The following TCERG1L variants were observed in gnomAD, a reference collection of about 807,000 sequenced individuals.
The protein encoded by TCERG1L is transcription elongation regulator 1 like.
A neutral mutation model predicts 56.3 loss-of-function variants in TCERG1L; 37 were observed. That is an observed-to-expected ratio of 0.66 (90% confidence interval 0.51 to 0.87). The LOEUF is 0.87. Among genes scored for constraint, TCERG1L ranks in the 40% least tolerant of loss-of-function variants. TCERG1L has a pLI of 0.00. For missense variants in TCERG1L, 799 were observed against 774.2 expected (o/e 1.03, Z -0.38); for synonymous variants, 324 against 326.3 (o/e 0.99, Z 0.08).
At chr10:131,138,102 C>T (rs1314881661) in intron 7 of TCERG1L, among the ~76,000 whole-genome samples, 2 of 152,158 alleles carry the variant, frequency 1.3e-5, no homozygotes, top group Admixed American at 1.3e-4. Flanking sequence ...AACCCCGTCT[C>T]TACCAAAAAT....
intron 8 of TCERG1L, among the ~76,000 whole-genome samples, chr10:131,121,855 A>G (rs2133394086): frequency 6.6e-6 from 1 of 152,314 alleles, no homozygotes; most frequent in African/African-American, 2.4e-5. Flanking sequence ...ACAGTGAGAG[A>G]GATGCCCCCT....
intron 4 of TCERG1L, among the ~76,000 whole-genome samples, chr10:131,170,025 T>C (rs1231401316): frequency 6.6e-6 from 1 of 152,170 alleles, no homozygotes; most frequent in African/African-American, 2.4e-5. Context: ...GAGATATTGT[T>C]GATGATCATT....
rs571938440 is a variant in TCERG1L, at chr10:131,241,582, G to A, written c.856+18677C>T. Among the ~76,000 whole-genome samples the A allele has an allele frequency of 5.9e-4, 89 of 151,844 alleles. 3 individuals carry two copies. Among genetic ancestry groups the A allele is most frequent in the Admixed American group, 5.1e-3 (78 of 15,228 alleles). ...AAGAGAGGACATGCATGAACACAGT[G>A]GATAGCGCAATATAAAAACATAAGA... On this transcript the variant is annotated intron_variant, in intron 4 of 11. Transcript: ENST00000368642.
intron 7 of TCERG1L, among the ~76,000 whole-genome samples, chr10:131,136,790 C>T (rs1053770592): frequency 1.4e-4 from 21 of 151,488 alleles, no homozygotes; most frequent in African/African-American, 4.6e-4. Flanking sequence ...GCCACCATGC[C>T]GGGCCACCTC....
At chr10:131,248,887 C>T (rs927883760) in intron 4 of TCERG1L, among the ~76,000 whole-genome samples, 2 of 152,248 alleles carry the variant, frequency 1.3e-5, no homozygotes, top group East Asian at 3.9e-4. Context: ...CGGCTTCTGA[C>T]TGGGGGTGCC....
At chr10:131,148,037 G>T (rs909712262) in intron 6 of TCERG1L, among the ~76,000 whole-genome samples, 2 of 152,180 alleles carry the variant, frequency 1.3e-5, no homozygotes, top group Non-Finnish European at 2.9e-5. Context: ...AAGGTGTGCC[G>T]GCTCCACTAC....
intron 7 of TCERG1L, among the ~76,000 whole-genome samples, chr10:131,144,699 T>C (rs1182390157): frequency 1.3e-5 from 2 of 152,236 alleles, no homozygotes; most frequent in African/African-American, 4.8e-5. Flanking sequence ...AGTAGAGTAC[T>C]TAGGTCTACC....
rs566118875 is a variant in TCERG1L, at chr10:131,260,330, G to T, written c.785C>A (p.Ser262Tyr). 2 of 1,471,750 alleles carry T rather than the reference G, an allele frequency of 1.4e-6. No homozygotes were observed. Among genetic ancestry groups the T allele is most frequent in the East Asian group, 2.7e-5 (1 of 36,514 alleles). The allele number at this position is 1,471,750 out of a possible 1,614,324, so 91.2% of individuals were successfully genotyped here. A position where few individuals can be genotyped will look rare whatever the true frequency, so the allele number is the denominator to read the frequency against. ...CAGGAAGTGGCGCGGCTGCACGCTG[G>T]AGGGGGACGGGCCCCGGAGGTTCTC... Reference protein sequence around the residue: ...DPENLRGPSPSSVQPRHFLTL... With the variant: ...DPENLRGPSPYSVQPRHFLTL... Residue 262 changes from serine (S) to tyrosine (Y), a missense_variant, in exon 4 of 12, where the codon TCC (serine) becomes TAC (tyrosine). Transcript: ENST00000368642. This position sits in a 1 kb window ranked among gnomAD's most constrained non-coding sequence, Gnocchi z 5.8.
rs145374262 is a variant in TCERG1L at position 131,234,764 on chromosome 10, C to T, written c.856+25495G>A. ...CTATCACCAGGCTGGAGACCAGTAG[C>T]GTGATCTTGGCTCACCGCCACCTCC... is the stretch of plus-strand genomic sequence containing the variant. On this transcript the variant is annotated intron_variant, in intron 4 of 11. Transcript: ENST00000368642. 3.7e-3 allele frequency among the ~76,000 whole-genome samples: 560 copies of T among 152,288 alleles called. 8 individuals carry two copies. In the East Asian group the frequency reaches 0.038, roughly 10 times the overall value.
chr10:131,234,333 G>T (rs1425995967), intron 4 of TCERG1L, among the ~76,000 whole-genome samples: 1 of 152,200 alleles, frequency 6.6e-6, no homozygotes, highest in East Asian at 1.9e-4. Flanking sequence ...TTTTACCAAT[G>T]TAATTTCATG....
At chr10:131,250,580 C>T (rs1447089489) in intron 4 of TCERG1L, among the ~76,000 whole-genome samples, 1 of 152,136 alleles carries the variant, frequency 6.6e-6, no homozygotes, top group Non-Finnish European at 1.5e-5. Flanking sequence ...TCCTGGCTGT[C>T]ACTCATCGCT....
At chr10:131,238,698 G>A (rs1324943069) in intron 4 of TCERG1L, among the ~76,000 whole-genome samples, 1 of 152,218 alleles carries the variant, frequency 6.6e-6, no homozygotes, top group Non-Finnish European at 1.5e-5. Context: ...TGTTCTGGAA[G>A]TGCTGATGGT....
At chr10:131,272,327 G>A (rs1042941869) in intron 3 of TCERG1L, among the ~76,000 whole-genome samples, 1 of 152,218 alleles carries the variant, frequency 6.6e-6, no homozygotes, top group African/African-American at 2.4e-5. Flanking sequence ...AACTGCTGTT[G>A]GATGAGGTGG....
chr10:131,237,171 T>C (rs560591465), intron 4 of TCERG1L, among the ~76,000 whole-genome samples: 2 of 152,100 alleles, frequency 1.3e-5, no homozygotes, highest in African/African-American at 4.8e-5. Flanking sequence ...TCTGCTGGAA[T>C]ATTCTTCCCC....
chr10:131,258,234 T>C (rs1265973031), intron 4 of TCERG1L, among the ~76,000 whole-genome samples: 5 of 152,238 alleles, frequency 3.3e-5, no homozygotes, highest in Admixed American at 2.0e-4. Flanking sequence ...CTCCCATCGT[T>C]CTGTGGGCCT....
intron 4 of TCERG1L, among the ~76,000 whole-genome samples, chr10:131,177,847 A>T (rs1031924485): frequency 1.5e-4 from 22 of 150,358 alleles, no homozygotes; most frequent in African/African-American, 5.4e-4. Context: ...ACTGTTCTAG[A>T]TCCACAATCC....
Position 131,311,519 on chromosome 10 carries a change from C to A in TCERG1L, c.117G>T (p.Trp39Cys). Residue 39 changes from tryptophan (W) to cysteine (C), a missense_variant, in exon 1 of 12, where the codon TGG becomes TGT. By Grantham distance (215) the Trp-to-Cys change is radical (BLOSUM62 -2). Transcript: ENST00000368642. The surrounding 1 kb of genome is among the most constrained non-coding windows in gnomAD (Gnocchi z 4.0). ...CGGCCGAGCCCGGCACCATCCAGAC[C>A]CAGGGCGGCGGCGGCGGCGGCTCTG... The part of the protein sequence containing the change: ...MDAEPPPPPP[W>C]VWMVPGSAGL... 1.7e-6 allele frequency: 2 copies of A among 1,201,862 alleles called. No homozygotes were observed. The highest frequency in any genetic ancestry group is 2.1e-6 in the Non-Finnish European group (2 of 966,372). 74.4% of individuals were successfully genotyped at this position (1,201,862 alleles called of 1,614,324 possible). A position where few individuals can be genotyped will look rare whatever the true frequency, so the allele number is the denominator to read the frequency against.
chr10:131,146,313 C>T (rs749487464), intron 7 of TCERG1L, among the ~76,000 whole-genome samples, 193 bp downstream of exon 7: 5 of 152,206 alleles, frequency 3.3e-5, no homozygotes, highest in South Asian at 2.1e-4. Flanking sequence ...CAGAGCCGAC[C>T]GCTTGGAAGG....
chr10:131,224,304 T>C (rs1845768883), intron 4 of TCERG1L, among the ~76,000 whole-genome samples: 1 of 152,130 alleles, frequency 6.6e-6, no homozygotes, highest in Middle Eastern at 3.2e-3. Context: ...GCACGTCCCA[T>C]TGGGAGTGCC....
Sources: allele counts gnomAD v4.1 joint callset (sites outside exome capture counted in the v4.1 genomes callset), GRCh38; gene constraint gnomAD v4.1.1; non-coding constraint Gnocchi (gnomAD v3.1); transcripts MANE v1.5; gene names NCBI Gene and HGNC (gene_info 2026-07-23, HGNC 2026-07-21).